ZDHHC16: variants seen among roughly 807,000 people sequenced by gnomAD.
The protein encoded by ZDHHC16 is palmitoyltransferase ZDHHC16.
A neutral mutation model predicts 54.4 loss-of-function variants in ZDHHC16; 33 were observed. The ratio of observed to expected loss-of-function variants is 0.61; its 90% CI spans 0.46 to 0.81. ZDHHC16 has a LOEUF of 0.81. Ranked by LOEUF, ZDHHC16 falls within the 30% of genes least tolerant of loss-of-function variation. ZDHHC16 has a pLI of 0.00. For missense variants in ZDHHC16, 420 were observed against 485.9 expected, an observed-to-expected ratio of 0.86 and a Z score of 1.28; for synonymous variants, 185 against 182.1, an observed-to-expected ratio of 1.02 and a Z score of -0.13.
At chr10:97,447,869 G>A (rs939346256) in intron 1 of ZDHHC16, among the ~76,000 whole-genome samples, 1 of 151,526 alleles carries the variant, frequency 6.6e-6, no homozygotes, top group Non-Finnish European at 1.5e-5. Context: ...GTTGTGGTGA[G>A]CCCAGATTGT....
intron 9 of ZDHHC16, among the ~76,000 whole-genome samples, chr10:97,455,125 C>G (rs1847043388): frequency 6.6e-6 from 1 of 152,118 alleles, no homozygotes; most frequent in Admixed American, 6.5e-5. Flanking sequence ...GGCCAAGGGG[C>G]AGTGAAGTGA....
chr10:97,456,611 G>C (rs1367073933), intron 11 of ZDHHC16, among the ~76,000 whole-genome samples, 166 bp from the exon 12 acceptor site: 1 of 152,110 alleles, frequency 6.6e-6, no homozygotes, highest in Admixed American at 6.5e-5. Flanking sequence ...GGACCAAAAG[G>C]TACATTTGTT....
At chr10:97,454,889 T>A in intron 9 of ZDHHC16, 90 bp downstream of exon 9, 2 of 1,104,678 alleles carry the variant, frequency 1.8e-6, no homozygotes, top group Non-Finnish European at 2.7e-6. Flanking sequence ...CATTCCTAAG[T>A]GAACTGCCAC....
In ZDHHC16 at chr10:97,451,810, C is replaced by T. The variant is rs759366364; in HGVS notation, c.135C>T (p.Cys45=). 14 of 1,614,216 alleles carry T rather than the reference C, an allele frequency of 8.7e-6. No individual in the cohort carries two copies. The highest frequency in any genetic ancestry group is 2.2e-5 in the South Asian group (2 of 91,086). Residue 45 remains cysteine (C), a synonymous_variant, in exon 3 of 12, where the codon TGC becomes TGT. Transcript: ENST00000393760. The part of the protein sequence containing the change: ...LVQRWRYGKV[C]LRSLLYNSFG... The stretch of plus-strand genomic sequence containing the variant: ...AGCGCTGGCGCTACGGCAAGGTCTG[C>T]CTGCGCTCCCTGCTCTACAACTCCT...
chr10:97,450,660 T>C (rs1846526032), intron 2 of ZDHHC16, 124 bp downstream of exon 2: 1 of 152,322 alleles, frequency 6.6e-6, no homozygotes, highest in Non-Finnish European at 1.5e-5. Flanking sequence ...TCTCTTCCCA[T>C]GGCTGTTGCA....
At chr10:97,447,414 G>A (rs1314900802) in intron 1 of ZDHHC16, among the ~76,000 whole-genome samples, 1 of 152,164 alleles carries the variant, frequency 6.6e-6, no homozygotes, top group Non-Finnish European at 1.5e-5. Context: ...TAAAGCCATG[G>A]GAAGAGGGGA....
chr10:97,452,802 C>T, intron 5 of ZDHHC16, 93 bp from the exon 6 acceptor site: 4 of 1,564,310 alleles, frequency 2.6e-6, no homozygotes, highest in Non-Finnish European at 3.5e-6. Flanking sequence ...CCCTTTCCAC[C>T]TCAGCAGGAT....
Position 97,449,861 on chromosome 10 carries a change from C to CTTTTTTTTTTTTTTTT in ZDHHC16, c.-185-490_-185-475dup, listed in dbSNP as rs35173837. ...TCTCTTTTCTACACTCCCCTTAATT[C>CTTTTTTTTTTTTTTTT]TTTTTTTTTTTTTTTTTTTTTGAGA... On this transcript the variant is annotated intron_variant, in intron 1 of 11. Coordinates refer to ENST00000393760, the MANE Select transcript of ZDHHC16 (RefSeq NM_198046.3). Among the ~76,000 whole-genome samples, 63 of 81,528 alleles carry CTTTTTTTTTTTTTTTT rather than the reference C, an allele frequency of 7.7e-4. 1 individual carries two copies. Among genetic ancestry groups the CTTTTTTTTTTTTTTTT allele is most frequent in the African/African-American group, 1.1e-3 (18 of 17,026 alleles). 53.5% of individuals were successfully genotyped at this position (81,528 alleles called of 152,430 possible).
chr10:97,454,956 A>C (rs1847026861), intron 9 of ZDHHC16, among the ~76,000 whole-genome samples, 157 bp downstream of exon 9: 1 of 152,238 alleles, frequency 6.6e-6, no homozygotes, highest in Non-Finnish European at 1.5e-5. Flanking sequence ...CATTCAGGGC[A>C]GGGAGCACTG....
intron 1 of ZDHHC16, among the ~76,000 whole-genome samples, chr10:97,449,284 A>C (rs542693441): frequency 3.3e-5 from 5 of 152,090 alleles, no homozygotes; most frequent in Non-Finnish European, 1.5e-5. Flanking sequence ...AGTTTATTAC[A>C]AACAAGGAGT....
At chr10:97,452,618 T>G (rs1589506334) in intron 5 of ZDHHC16, 115 bp downstream of exon 5, 4 of 1,159,738 alleles carry the variant, frequency 3.4e-6, no homozygotes, top group Non-Finnish European at 3.7e-6. Context: ...GTGTCCCAGG[T>G]GATGTGCCCT....
chr10:97,451,712 C>T lies in ZDHHC16; in HGVS notation c.37C>T (p.Arg13Cys), dbSNP rs766327929. ...GCGGAGCCTGCTGCTGGGCCCGGCCCGCCTCTGCCTCCGCCTCCTTCTGCT... is the reference window on the plus strand; with the variant it reads ...GCGGAGCCTGCTGCTGGGCCCGGCCTGCCTCTGCCTCCGCCTCCTTCTGCT... ...GQRSLLLGPA[R>C]LCLRLLLLLG... Residue 13 changes from arginine to cysteine, a missense_variant, in exon 3 of 12, where the codon CGC becomes TGC. Transcript: ENST00000393760. 45 of 1,612,684 alleles carry T rather than the reference C, an allele frequency of 2.8e-5. No individual in the cohort carries two copies. The highest frequency in any genetic ancestry group is 1.1e-4 in the East Asian group (5 of 44,898).
In ZDHHC16 at chr10:97,449,076, G is replaced by C. The variant is rs76894891; in HGVS notation, c.-185-1281G>C. On this transcript the variant is annotated intron_variant, in intron 1 of 11. Transcript: ENST00000393760. ...AAGGAGATTGAGTCCCAGTAGAGTT[G>C]AATGATTTGTCTGAGGTTACGGAAC... 5.2e-3 allele frequency among the ~76,000 whole-genome samples: 793 copies of C among 152,260 alleles called. 8 individuals carry two copies. Among genetic ancestry groups the C allele is most frequent in the African/African-American group, 0.018 (746 of 41,528 alleles).
intron 11 of ZDHHC16, 78 bp from the exon 12 acceptor site, chr10:97,456,699 T>C (rs1398302587): frequency 2.0e-5 from 21 of 1,044,090 alleles, no homozygotes; most frequent in East Asian, 8.1e-5. Context: ...GATACCTTGA[T>C]GTATGCTTGT....
Position 97,455,802 on chromosome 10 carries a change from TC to T in ZDHHC16, c.948+20del, listed in dbSNP as rs1847119877. ...GGGCAGAGTGAGTAGGGTTGAAGGC[TC>T]GGGGTGGGTAGGTGGGTAACTGAAC... On this transcript the variant is annotated intron_variant, in intron 10 of 11. Transcript: ENST00000393760. The T allele has an allele frequency of 6.2e-7, 1 of 1,610,738 alleles. No homozygotes were observed. The highest frequency in any genetic ancestry group is 1.1e-5 in the South Asian group (1 of 91,020).
rs764985056 is a variant in ZDHHC16 at position 97,454,811 on chromosome 10, T to C, written c.824+12T>C. 1 of 1,613,726 alleles carries C rather than the reference T, an allele frequency of 6.2e-7. No homozygotes were observed. Among genetic ancestry groups the C allele is most frequent in the South Asian group, 1.1e-5 (1 of 91,020 alleles). ...TGGTTCCTGTGCAGGTATTTGTTTT[T>C]GATAGTTTTAAGGGAGGGGAAGCTT... is the stretch of plus-strand genomic sequence containing the variant. On this transcript the variant is annotated intron_variant, in intron 9 of 11. Coordinates refer to ENST00000393760, the MANE Select transcript of ZDHHC16 (RefSeq NM_198046.3).
At chr10:97,452,332 G>T in intron 4 of ZDHHC16, 48 bp downstream of exon 4, 1 of 1,612,202 alleles carries the variant, frequency 6.2e-7, no homozygotes, top group Non-Finnish European at 8.5e-7. Context: ...TATGGGAGCT[G>T]GTCCCAGGAG....
chr10:97,455,636 C>T (rs765243007), intron 9 of ZDHHC16, 24 bp from the exon 10 acceptor site: 3 of 1,614,060 alleles, frequency 1.9e-6, no homozygotes, highest in South Asian at 2.2e-5. Context: ...AACTACCCAC[C>T]AGTCTTCGCC....
intron 11 of ZDHHC16, 126 bp downstream of exon 11, chr10:97,456,170 A>G: frequency 1.0e-6 from 1 of 970,770 alleles, no homozygotes; most frequent in Admixed American, 2.5e-5. Context: ...GACTCTAGGA[A>G]TAGAGATCAT....
Sources: gnomAD v4.1 joint callset for allele counts (sites outside exome capture counted in the v4.1 genomes callset) on GRCh38, gnomAD v4.1.1 for gene constraint, MANE v1.5 for transcripts, NCBI Gene and HGNC (gene_info 2026-07-23, HGNC 2026-07-21) for gene names.